GAP43: variants seen among roughly 807,000 people sequenced by gnomAD.
The protein encoded by GAP43 is growth associated protein 43.
GAP43 carries 6 observed loss-of-function variants against 18.6 expected under a neutral mutation model. The ratio of observed to expected loss-of-function variants is 0.32; its 90% CI spans 0.18 to 0.64. The LOEUF (loss-of-function observed/expected upper bound fraction) is 0.64. Ranked by LOEUF, GAP43 falls within the 30% of genes least tolerant of loss-of-function variation. The probability of loss-of-function intolerance (pLI) is 0.78; values close to 1 mark genes in which losing one functional copy is unlikely to be tolerated. For synonymous variants in GAP43, 115 were observed against 111.4 expected, an observed-to-expected ratio of 1.03 and a Z score of -0.20; for missense variants, 292 against 295.5, an observed-to-expected ratio of 0.99 and a Z score of 0.09.
At chr3:115,664,020 C>G in intron 1 of GAP43, 2 of 1,061,178 alleles carry the variant, frequency 1.9e-6, no homozygotes, top group Non-Finnish European at 2.7e-6. Flanking sequence ...AATTACTTAA[C>G]TAATGTCCTT....
chr3:115,657,762 G>T (rs1708602164), intron 1 of GAP43, among the ~76,000 whole-genome samples: 1 of 151,964 alleles, frequency 6.6e-6, no homozygotes. Flanking sequence ...GCCTTATGTT[G>T]TCCAGGCTAG....
chr3:115,632,424 C>T (rs1459696732), intron 1 of GAP43, among the ~76,000 whole-genome samples: 1 of 152,128 alleles, frequency 6.6e-6, no homozygotes, highest in African/African-American at 2.4e-5. Flanking sequence ...GATATGTAAT[C>T]CTAAACCTTT....
chr3:115,684,673 G>A (rs115556823), intron 2 of GAP43, among the ~76,000 whole-genome samples: 16 of 152,248 alleles, frequency 1.1e-4, no homozygotes, highest in African/African-American at 2.9e-4. Flanking sequence ...GTCGTTTCTC[G>A]GCTGCTCATG....
chr3:115,639,542 A>G (rs747268923), intron 1 of GAP43, among the ~76,000 whole-genome samples: 14 of 152,124 alleles, frequency 9.2e-5, no homozygotes, highest in Non-Finnish European at 1.5e-4. Context: ...TATAATTTAT[A>G]GTTACATGTA....
intron 1 of GAP43, among the ~76,000 whole-genome samples, chr3:115,652,507 C>T (rs1362875699): frequency 6.6e-6 from 1 of 151,692 alleles, no homozygotes; most frequent in Non-Finnish European, 1.5e-5. Flanking sequence ...ACTTCAGCTT[C>T]CCGAGTGACT....
rs113612849 is a variant in GAP43 at position 115,664,061 on chromosome 3, G to A, written c.31-11952G>A. ...TAGTCTTTTCATCTGTAAGATAATA[G>A]TACCCATTGCATAGTTTTGTTCTTA... On this transcript the variant is annotated intron_variant, in intron 1 of 2. Coordinates refer to ENST00000305124, the MANE Select transcript of GAP43 (RefSeq NM_002045.4). The A allele has an allele frequency of 7.7e-4, 579 of 755,016 alleles. 1 individual carries two copies. In the African/African-American group the frequency reaches 9.6e-3, roughly 12 times the overall value. 46.8% of individuals were successfully genotyped at this position (755,016 alleles called of 1,614,324 possible). A position where few individuals can be genotyped will look rare whatever the true frequency, so the allele number is the denominator to read the frequency against.
At chr3:115,690,758 T>C (rs1446606955) in intron 2 of GAP43, among the ~76,000 whole-genome samples, 1 of 110,708 alleles carries the variant, frequency 9.0e-6, no homozygotes, top group African/African-American at 3.7e-5. Context: ...TCTTTCTTTC[T>C]TTTTTTTTTT....
At chr3:115,719,826 T>C (rs543960608) in intron 2 of GAP43, among the ~76,000 whole-genome samples, 1 of 152,300 alleles carries the variant, frequency 6.6e-6, no homozygotes, top group African/African-American at 2.4e-5. Flanking sequence ...AGGGAGTTGA[T>C]TGTTTGGCAA....
intron 2 of GAP43, among the ~76,000 whole-genome samples, chr3:115,680,728 A>G (rs1418107970): frequency 6.6e-6 from 1 of 152,224 alleles, no homozygotes; most frequent in African/African-American, 2.4e-5. Context: ...CCTGATACTC[A>G]AATTATTAAC....
At chr3:115,659,719 C>T (rs1025040536) in intron 1 of GAP43, among the ~76,000 whole-genome samples, 6 of 152,026 alleles carry the variant, frequency 3.9e-5, no homozygotes, top group African/African-American at 1.4e-4. Flanking sequence ...AAGAGACCCA[C>T]GAGGGTAGAC....
intron 2 of GAP43, among the ~76,000 whole-genome samples, chr3:115,698,306 AAATAT>A (rs1201580204): frequency 1.2e-5 from 1 of 81,878 alleles, no homozygotes; most frequent in Non-Finnish European, 2.2e-5. Context: ...ATTATATATA[AAATAT>A]ATATAATATA....
chr3:115,699,268 G>A (rs888952822), intron 2 of GAP43, among the ~76,000 whole-genome samples: 4 of 152,164 alleles, frequency 2.6e-5, no homozygotes, highest in Non-Finnish European at 5.9e-5. Context: ...AACAGTAACA[G>A]GGTTAATGCC....
intron 2 of GAP43, among the ~76,000 whole-genome samples, chr3:115,707,511 G>A (rs2107372754): frequency 6.6e-6 from 1 of 152,100 alleles, no homozygotes. Flanking sequence ...GGTTGGTCTT[G>A]AACTCCTGGG....
At chr3:115,649,423 TG>T in intron 1 of GAP43, among the ~76,000 whole-genome samples, 1 of 151,784 alleles carries the variant, frequency 6.6e-6, no homozygotes, top group East Asian at 1.9e-4. Context: ...GAAAGAGAAA[TG>T]AGATTGTAAT....
intron 2 of GAP43, among the ~76,000 whole-genome samples, chr3:115,696,587 C>A (rs1019026905): frequency 7.0e-5 from 9 of 129,260 alleles, no homozygotes; most frequent in Middle Eastern, 3.8e-3. Context: ...CGCCCCCCCC[C>A]CCCACAAACA....
At chr3:115,712,090 C>T (rs560508100) in intron 2 of GAP43, among the ~76,000 whole-genome samples, 1 of 152,238 alleles carries the variant, frequency 6.6e-6, no homozygotes, top group East Asian at 1.9e-4. Context: ...AAGAAGTTTT[C>T]AAGGCTAGTC....
At chr3:115,708,170 G>A (rs1399546406) in intron 2 of GAP43, among the ~76,000 whole-genome samples, 1 of 152,170 alleles carries the variant, frequency 6.6e-6, no homozygotes, top group Non-Finnish European at 1.5e-5. Context: ...TTTCTTTTGA[G>A]AAGTTAGTCC....
intron 2 of GAP43, among the ~76,000 whole-genome samples, chr3:115,712,364 C>G (rs1709451527): frequency 6.6e-6 from 1 of 152,130 alleles, no homozygotes; most frequent in Non-Finnish European, 1.5e-5. Flanking sequence ...GAGAAGGTCT[C>G]TTAATCATCT....
chr3:115,714,905 C>T (rs1467832438), intron 2 of GAP43, among the ~76,000 whole-genome samples: 5 of 149,084 alleles, frequency 3.4e-5, no homozygotes, highest in Non-Finnish European at 5.9e-5. Context: ...ACATACAGCC[C>T]GAGTGTCTTT....
Sources: gnomAD v4.1 joint callset for allele counts (sites outside exome capture counted in the v4.1 genomes callset) on GRCh38, gnomAD v4.1.1 for gene constraint, MANE v1.5 for transcripts, NCBI Gene and HGNC (gene_info 2026-07-23, HGNC 2026-07-21) for gene names.